The following SKI variants were observed in gnomAD, a reference collection of about 807,000 sequenced individuals.
SKI encodes ski oncogene.
SKI carries 23 observed loss-of-function variants against 59.3 expected under a neutral mutation model. The ratio of observed to expected loss-of-function variants is 0.39; its 90% CI spans 0.28 to 0.55. The LOEUF (loss-of-function observed/expected upper bound fraction) is 0.55, where lower values mean the gene tolerates loss of function less well. SKI is among the 20% of genes least tolerant of loss of function. SKI has a pLI of 0.67. For missense variants in SKI, 1,017 were observed against 1,038.9 expected, an observed-to-expected ratio of 0.98 and a Z score of 0.29; for synonymous variants, 673 against 488.6, an observed-to-expected ratio of 1.38 and a Z score of -4.98.
chr1:2,287,629 G>C (rs1004900933), intron 1 of SKI, among the ~76,000 whole-genome samples: 1 of 152,186 alleles, frequency 6.6e-6, no homozygotes. Flanking sequence ...GGTGGGGGTG[G>C]TCTCTGTCTC....
chr1:2,279,626 G>A (rs559030927), intron 1 of SKI, among the ~76,000 whole-genome samples: 1 of 152,126 alleles, frequency 6.6e-6, no homozygotes, highest in African/African-American at 2.4e-5. Context: ...AGGGCTGAAG[G>A]GGGGAGTCGG....
At chr1:2,252,290 A>G (rs1032122027) in intron 1 of SKI, among the ~76,000 whole-genome samples, 3 of 152,204 alleles carry the variant, frequency 2.0e-5, no homozygotes, top group African/African-American at 7.2e-5. Flanking sequence ...GCTGTGTCCC[A>G]AGACCAGGGT....
At chr1:2,247,644 C>T (rs1018144163) in intron 1 of SKI, among the ~76,000 whole-genome samples, 4 of 152,202 alleles carry the variant, frequency 2.6e-5, no homozygotes, top group Non-Finnish European at 5.9e-5. Context: ...GTATGTACCC[C>T]CTTGCCCTGG....
At chr1:2,234,083 C>T (rs561645533) in intron 1 of SKI, among the ~76,000 whole-genome samples, 6 of 152,336 alleles carry the variant, frequency 3.9e-5, no homozygotes, top group East Asian at 1.9e-4. Flanking sequence ...CCCTGGTCCC[C>T]GTGCAGAAGG....
chr1:2,253,358 G>A (rs915175875), intron 1 of SKI, among the ~76,000 whole-genome samples: 2 of 152,224 alleles, frequency 1.3e-5, no homozygotes, highest in African/African-American at 4.8e-5. Flanking sequence ...CAAAAGGTGG[G>A]AGGCTCCCCA....
At chr1:2,234,304 C>G (rs1638705535) in intron 1 of SKI, among the ~76,000 whole-genome samples, 1 of 152,152 alleles carries the variant, frequency 6.6e-6, no homozygotes, top group Non-Finnish European at 1.5e-5. Context: ...GGTCATTTTC[C>G]CGGCATGGTC....
In SKI at chr1:2,228,469, C is replaced by T. The variant is rs1053804653; in HGVS notation, c.-298C>T. ...CCGGGGCATGCCCCGCGCCTAGAGC[C>T]CGGGGGGCGCGCGGGGGACGCGCGG... On this transcript the variant is annotated 5_prime_UTR_variant, in exon 1 of 7. Transcript: ENST00000378536. Among the ~76,000 whole-genome samples the T allele has an allele frequency of 7.0e-6, 1 of 142,636 alleles. No homozygotes were observed. Among genetic ancestry groups the T allele is most frequent in the African/African-American group, 2.5e-5 (1 of 39,820 alleles). 93.6% of individuals were successfully genotyped at this position (142,636 alleles called of 152,430 possible).
At chr1:2,242,867 T>C (rs949067597) in intron 1 of SKI, among the ~76,000 whole-genome samples, 2 of 152,254 alleles carry the variant, frequency 1.3e-5, no homozygotes, top group African/African-American at 4.8e-5. Flanking sequence ...CCTTTTTCCC[T>C]GAATGAGGCA....
At position 2,306,186 on chromosome 1, in the gene SKI, G is replaced by C. The variant is rs1344882099; in HGVS notation, c.1934G>C (p.Arg645Pro). 1.9e-6 allele frequency: 3 copies of C among 1,584,572 alleles called. No individual in the cohort carries two copies. Among genetic ancestry groups the C allele is most frequent in the Non-Finnish European group, 2.6e-6 (3 of 1,166,422 alleles). The change falls in exon 6 of 7, where the codon CGG becomes CCG. Residue 645 changes from arginine to proline, a missense_variant. Coordinates refer to ENST00000378536, the MANE Select transcript of SKI (RefSeq NM_003036.4). ...CTGAAGCGGGAGCTGGAGCAGGCGC[G>C]GCAGGCCCGGGTGTGCGACAAGGGC... ...LRLKRELEQA[R>P]QARVCDKGCE...
chr1:2,253,064 G>A (rs535121741), intron 1 of SKI, among the ~76,000 whole-genome samples: 35 of 150,702 alleles, frequency 2.3e-4, no homozygotes, highest in Non-Finnish European at 4.3e-4. Flanking sequence ...CCACTGTACT[G>A]CAGCCTGGGT....
At chr1:2,296,806 G>A (rs1052162021) in intron 1 of SKI, among the ~76,000 whole-genome samples, 7 of 152,112 alleles carry the variant, frequency 4.6e-5, no homozygotes, top group African/African-American at 1.7e-4. Flanking sequence ...CTGCGGGGGC[G>A]GGAGTCTGGA....
intron 1 of SKI, among the ~76,000 whole-genome samples, chr1:2,293,806 A>C (rs948879559): frequency 6.6e-6 from 1 of 152,116 alleles, no homozygotes; most frequent in Admixed American, 6.5e-5. Context: ...CCGCTTCTTC[A>C]GCTGGCACCT....
intron 6 of SKI, 54 bp from the exon 7 acceptor site, chr1:2,306,523 C>CGGGCCG: frequency 6.6e-7 from 1 of 1,507,478 alleles, no homozygotes; most frequent in Middle Eastern, 2.3e-4. Context: ...GAAGCAGCGT[C>CGGGCCG]GGGCCGGGGC....
intron 1 of SKI, among the ~76,000 whole-genome samples, chr1:2,250,283 C>A (rs146506033): frequency 2.0e-4 from 31 of 152,188 alleles, no homozygotes; most frequent in African/African-American, 7.5e-4. Flanking sequence ...CAGAGAGTCC[C>A]GTGTGGTGCT....
chr1:2,299,883 A>C (rs1438504667), intron 1 of SKI, among the ~76,000 whole-genome samples: 1 of 152,038 alleles, frequency 6.6e-6, no homozygotes, highest in Admixed American at 6.5e-5. Flanking sequence ...GTCTTTTCTG[A>C]GACTCCCCCA....
Position 2,303,355 on chromosome 1 carries a change from G to T in SKI, c.1166G>T (p.Ser389Ile), listed in dbSNP as rs749419969. ...CCCTGGTCCCCCGCAGTGTCAGCGA[G>T]TGAGAAAGAGCTCTCCCCACACCTC... ...FRPWSPAVSA[S>I]EKELSPHLPA... Residue 389 changes from serine (S) to isoleucine (I), a missense_variant, in exon 3 of 7, where the codon AGT becomes ATT. Coordinates refer to ENST00000378536, the MANE Select transcript of SKI (RefSeq NM_003036.4). The surrounding 1 kb of genome is among the most constrained non-coding windows in gnomAD (Gnocchi z 5.6). The T allele has an allele frequency of 6.2e-7, 1 of 1,613,638 alleles. No homozygotes were observed. Among genetic ancestry groups the T allele is most frequent in the Non-Finnish European group, 8.5e-7 (1 of 1,180,042 alleles).
chr1:2,305,395 C>A (rs1379556529), intron 5 of SKI, among the ~76,000 whole-genome samples: 1 of 152,186 alleles, frequency 6.6e-6, no homozygotes, highest in Non-Finnish European at 1.5e-5. Flanking sequence ...ACAACACAAC[C>A]CCGTCGGCCC....
intron 1 of SKI, among the ~76,000 whole-genome samples, chr1:2,251,979 G>T (rs1639161056): frequency 6.6e-6 from 1 of 152,130 alleles, no homozygotes; most frequent in African/African-American, 2.4e-5. Flanking sequence ...ACTGTTCCTG[G>T]CAGTGGCTGT....
At position 2,228,917 on chromosome 1, in the gene SKI, A is replaced by G; in HGVS notation, c.151A>G (p.Ser51Gly). 1.4e-6 allele frequency: 2 copies of G among 1,394,104 alleles called. No homozygotes were observed. The highest frequency in any genetic ancestry group is 1.5e-5 in the African/African-American group (1 of 66,146). 86.4% of individuals were successfully genotyped at this position (1,394,104 alleles called of 1,614,324 possible). A position where few individuals can be genotyped will look rare whatever the true frequency, so the allele number is the denominator to read the frequency against. ...RWAQEAYKKE[S>G]AKEAGAAAVP... ...GGCGCAGGAGGCCTACAAGAAGGAG[A>G]GCGCCAAGGAGGCGGGCGCGGCCGC... The change falls in exon 1 of 7, where the codon AGC (serine) becomes GGC (glycine). Residue 51 changes from serine (S) to glycine (G), a missense_variant. Transcript: ENST00000378536.
Sources: allele counts gnomAD v4.1 joint callset (sites outside exome capture counted in the v4.1 genomes callset), GRCh38; gene constraint gnomAD v4.1.1; non-coding constraint Gnocchi (gnomAD v3.1); transcripts MANE v1.5; gene names NCBI Gene and HGNC (gene_info 2026-07-23, HGNC 2026-07-21).